Variants in AR observed in about 807,000 individuals in gnomAD.
The protein encoded by AR is androgen receptor.
AR carries 8 observed loss-of-function variants against 53.9 expected under a neutral mutation model. The ratio of observed to expected loss-of-function variants is 0.15; its 90% CI spans 0.09 to 0.27. The LOEUF (loss-of-function observed/expected upper bound fraction) is 0.27, where lower values mean the gene tolerates loss of function less well. Ranked by LOEUF, AR falls within the 10% of genes least tolerant of loss-of-function variation. The pLI is 1.00. For missense variants in AR, 639 were observed against 742.5 expected, an observed-to-expected ratio of 0.86 and a Z score of 1.62; for synonymous variants, 359 against 316.4, an observed-to-expected ratio of 1.13 and a Z score of -1.43.
At chrX:67,644,991 C>A (rs566818246) in intron 2 of AR, among the ~76,000 whole-genome samples, 2 of 110,309 alleles carry the variant, frequency 1.8e-5, no homozygotes, top group Non-Finnish European at 3.8e-5. Context: ...GACTTCAGAC[C>A]ACCCCAACTT....
At chrX:67,586,122 A>G (rs1053439821) in intron 1 of AR, among the ~76,000 whole-genome samples, 1 of 111,656 alleles carries the variant, frequency 9.0e-6, no homozygotes, top group African/African-American at 3.3e-5. Flanking sequence ...TGAAATTTCA[A>G]TAATTTGCAA....
chrX:67,662,769 G>T (rs1295867927), intron 2 of AR, among the ~76,000 whole-genome samples: 1 of 111,130 alleles, frequency 9.0e-6, no homozygotes, highest in Non-Finnish European at 1.9e-5. Context: ...AAGTCTCTTT[G>T]TAGGTCTCTA....
At chrX:67,718,581 G>T (rs2076122827) in intron 5 of AR, among the ~76,000 whole-genome samples, 1 of 110,667 alleles carries the variant, frequency 9.0e-6, no homozygotes, top group Non-Finnish European at 1.9e-5. Context: ...CCCATAGTAG[G>T]CAAGAAGGAA....
chrX:67,711,339 G>A (rs905308152), intron 3 of AR, 63 bp from the exon 4 acceptor site: 11 of 1,127,941 alleles, frequency 9.8e-6, no homozygotes, highest in Non-Finnish European at 1.2e-5. Context: ...TTCTAAAAAG[G>A]TAGTTGCATT....
intron 2 of AR, among the ~76,000 whole-genome samples, chrX:67,662,635 G>A (rs1202044925): frequency 1.8e-5 from 2 of 111,154 alleles, no homozygotes; most frequent in Non-Finnish European, 3.8e-5. Context: ...TTTGGAATAG[G>A]TGTGGTGTGG....
At chrX:67,631,800 T>G (rs1171477709) in intron 1 of AR, among the ~76,000 whole-genome samples, 12 of 112,399 alleles carry the variant, frequency 1.1e-4, no homozygotes, top group Non-Finnish European at 2.3e-4. Context: ...ATGATGGTGA[T>G]GTACAGATGG....
intron 1 of AR, among the ~76,000 whole-genome samples, chrX:67,573,575 A>G (rs1921919528): frequency 9.0e-6 from 1 of 111,519 alleles, no homozygotes; most frequent in South Asian, 3.8e-4. Context: ...CAAGCCTTCA[A>G]TTATGAATAC....
intron 1 of AR, among the ~76,000 whole-genome samples, chrX:67,583,067 A>G (rs1922366412): frequency 9.0e-6 from 1 of 111,666 alleles, no homozygotes; most frequent in Non-Finnish European, 1.9e-5. Context: ...AACTTTGAAT[A>G]ACTTTGTACA....
At chrX:67,690,735 G>A (rs1602258665) in intron 3 of AR, among the ~76,000 whole-genome samples, 2 of 111,885 alleles carry the variant, frequency 1.8e-5, no homozygotes, top group East Asian at 5.6e-4. Context: ...ATTTGAGCAA[G>A]AGGAGAAAGG....
At chrX:67,716,249 T>C (rs1022070708) in intron 4 of AR, among the ~76,000 whole-genome samples, 2 of 111,986 alleles carry the variant, frequency 1.8e-5, no homozygotes, top group Admixed American at 9.5e-5. Flanking sequence ...TGTATATACA[T>C]AGACTTCAAT....
intron 1 of AR, among the ~76,000 whole-genome samples, chrX:67,575,426 G>A (rs1269423502): frequency 8.9e-6 from 1 of 111,969 alleles, no homozygotes; most frequent in Non-Finnish European, 1.9e-5. Flanking sequence ...GCTGTAGTCA[G>A]AACTTTTGTA....
intron 2 of AR, among the ~76,000 whole-genome samples, chrX:67,679,044 CA>C (rs201150343): frequency 0.011 from 1,227 of 111,197 alleles, 13 homozygotes; most frequent in African/African-American, 0.038. Flanking sequence ...ATTCTAACCA[CA>C]AAAAATTATT....
intron 1 of AR, among the ~76,000 whole-genome samples, chrX:67,617,751 T>G (rs1429467817): frequency 9.0e-6 from 1 of 111,282 alleles, no homozygotes; most frequent in Admixed American, 9.6e-5. Flanking sequence ...TCCAAGGTCA[T>G]GCAAAGAGTT....
rs757296065 is a variant in AR, at chrX:67,583,204, C to T, written c.1616+36442C>T. Reference sequence around the variant, plus strand: ...GAGGCCTGGGAGAGTAAGATAACTACTTGTTTATTCCACGGAGCCACTTAT... The same window carrying T: ...GAGGCCTGGGAGAGTAAGATAACTATTTGTTTATTCCACGGAGCCACTTAT... On this transcript the variant is annotated intron_variant, in intron 1 of 7. Coordinates refer to ENST00000374690, the MANE Select transcript of AR (RefSeq NM_000044.6). Among the ~76,000 whole-genome samples, 47 of 112,288 alleles carry T rather than the reference C, an allele frequency of 4.2e-4. 1 individual carries two copies. The highest frequency in any genetic ancestry group is 1.5e-3 in the African/African-American group (45 of 30,991).
chrX:67,663,220 C>T (rs910232893), intron 2 of AR, among the ~76,000 whole-genome samples: 1 of 111,754 alleles, frequency 8.9e-6, no homozygotes, highest in Non-Finnish European at 1.9e-5. Flanking sequence ...TTCCTAGCCT[C>T]GACGGTCTTT....
At chrX:67,686,297 C>CT (rs1037304861) in intron 3 of AR, among the ~76,000 whole-genome samples, 171 bp downstream of exon 3, 54 of 111,061 alleles carry the variant, frequency 4.9e-4, no homozygotes, top group African/African-American at 1.7e-3. Context: ...CAGCTGGTGC[C>CT]TTTTTTTTAA....
chrX:67,636,597 T>A (rs1036419568), intron 1 of AR, among the ~76,000 whole-genome samples: 4 of 112,202 alleles, frequency 3.6e-5, no homozygotes, highest in Non-Finnish European at 3.8e-5. Flanking sequence ...ACAAAACTGC[T>A]ATGACTGTTC....
intron 1 of AR, among the ~76,000 whole-genome samples, chrX:67,631,511 C>G (rs956544283): frequency 2.7e-5 from 3 of 112,088 alleles, no homozygotes; most frequent in African/African-American, 9.7e-5. Context: ...AAGCACTTCT[C>G]TGTATTGGTT....
Position 67,729,503 on chromosome X carries a change from A to T in AR, c.*5662A>T, listed in dbSNP as rs1234654854. The T allele has an allele frequency of 5.8e-6, 1 of 173,604 alleles. No homozygotes were observed. The highest frequency in any genetic ancestry group is 1.1e-5 in the Non-Finnish European group (1 of 91,102). The allele number at this position is 173,604 out of a possible 1,213,427, so 14.3% of individuals were successfully genotyped here. On this transcript the variant is annotated 3_prime_UTR_variant, in exon 8 of 8. Coordinates refer to ENST00000374690, the MANE Select transcript of AR (RefSeq NM_000044.6). ...ACAGCTTTTGACTCAGCTTTGATTTATCCTCATTTGATTTGGCCAGAAAGT... is the reference window on the plus strand; with the variant it reads ...ACAGCTTTTGACTCAGCTTTGATTTTTCCTCATTTGATTTGGCCAGAAAGT...
Sources: gnomAD v4.1 joint callset for allele counts (sites outside exome capture counted in the v4.1 genomes callset) on GRCh38, gnomAD v4.1.1 for gene constraint, MANE v1.5 for transcripts, NCBI Gene and HGNC (gene_info 2026-07-23, HGNC 2026-07-21) for gene names.